PPP2R2C: variants seen among roughly 807,000 people sequenced by gnomAD.
PPP2R2C encodes the protein protein phosphatase 2 regulatory subunit Bgamma, also known as protein phosphatase 2, regulatory subunit B, gamma.
Under a neutral mutation model 45.3 loss-of-function variants are expected in PPP2R2C, and 10 were observed. The ratio of observed to expected loss-of-function variants is 0.22; its 90% CI spans 0.14 to 0.37. The LOEUF (loss-of-function observed/expected upper bound fraction) is 0.37. Ranked by LOEUF, PPP2R2C falls within the 10% of genes least tolerant of loss-of-function variation. The probability of loss-of-function intolerance (pLI) is 1.00; values close to 1 mark genes in which losing one functional copy is unlikely to be tolerated. For missense variants in PPP2R2C, 308 were observed against 619.7 expected, an observed-to-expected ratio of 0.50 and a Z score of 5.34; for synonymous variants, 257 against 245.4, an observed-to-expected ratio of 1.05 and a Z score of -0.44.
At chr4:6,434,422 G>C (rs1464138954) in intron 1 of PPP2R2C, among the ~76,000 whole-genome samples, 2 of 144,720 alleles carry the variant, frequency 1.4e-5, no homozygotes, top group African/African-American at 5.1e-5. Context: ...GCAGTGGCGT[G>C]ATCTCGGCTC....
At chr4:6,358,605 G>A (rs1713446344) in intron 5 of PPP2R2C, among the ~76,000 whole-genome samples, 1 of 150,986 alleles carries the variant, frequency 6.6e-6, no homozygotes, top group Non-Finnish European at 1.5e-5. Context: ...TCTGAGAAAG[G>A]GCTAATATCC....
chr4:6,415,815 A>G (rs529948473), intron 1 of PPP2R2C, among the ~76,000 whole-genome samples: 6 of 152,318 alleles, frequency 3.9e-5, no homozygotes, highest in African/African-American at 1.4e-4. Flanking sequence ...TCCTCCAGCC[A>G]TGACTCACAT....
intron 1 of PPP2R2C, among the ~76,000 whole-genome samples, chr4:6,420,355 AG>A (rs1404861070): frequency 4.6e-5 from 7 of 152,350 alleles, no homozygotes; most frequent in Middle Eastern, 3.4e-3. Context: ...ATGAATCAAA[AG>A]CATCCCCCCA....
intron 1 of PPP2R2C, among the ~76,000 whole-genome samples, chr4:6,391,852 G>A (rs570056255): frequency 6.6e-6 from 1 of 152,338 alleles, no homozygotes; most frequent in Non-Finnish European, 1.5e-5. Flanking sequence ...GGAAAGACCT[G>A]CGTTTGAATC....
intron 1 of PPP2R2C, among the ~76,000 whole-genome samples, chr4:6,539,996 T>G (rs1488272529): frequency 6.6e-6 from 1 of 152,214 alleles, no homozygotes; most frequent in Non-Finnish European, 1.5e-5. Context: ...CCTGCCCTAC[T>G]CTGTCGCCTG....
intron 2 of PPP2R2C, among the ~76,000 whole-genome samples, chr4:6,485,711 A>G (rs757124895): frequency 1.2e-4 from 18 of 151,806 alleles, no homozygotes; most frequent in Non-Finnish European, 2.2e-4. Flanking sequence ...AATATATACT[A>G]ATGTCACCTT....
intron 1 of PPP2R2C, among the ~76,000 whole-genome samples, chr4:6,459,102 C>A (rs770279791): frequency 6.6e-6 from 1 of 152,116 alleles, no homozygotes; most frequent in Non-Finnish European, 1.5e-5. Context: ...AAGCAGAAAC[C>A]ATTTATTTGG....
chr4:6,401,425 C>A (rs1292609105), intron 1 of PPP2R2C, among the ~76,000 whole-genome samples: 1 of 152,124 alleles, frequency 6.6e-6, no homozygotes, highest in Non-Finnish European at 1.5e-5. Flanking sequence ...TTGTTATGCA[C>A]ATGGGCTACG....
intron 5 of PPP2R2C, chr4:6,349,229 C>T (rs1712304702): frequency 4.1e-6 from 4 of 985,326 alleles, no homozygotes; most frequent in African/African-American, 1.7e-5. Context: ...TTTGCACGGT[C>T]TGTTCCCTCT....
chr4:6,371,984 A>T lies in PPP2R2C; in HGVS notation c.625+539T>A, dbSNP rs199998202. On this transcript the variant is annotated intron_variant, in intron 5 of 8. Coordinates refer to ENST00000382599, the MANE Select transcript of PPP2R2C (RefSeq NM_020416.4). ...TCCCAGCAGTCGGCGGGAATCGTCA[A>T]TGCTGCTGCTTCCCCTAGCTTGCCC... 2.2e-4 allele frequency among the ~76,000 whole-genome samples: 34 copies of T among 152,236 alleles called. No individual in the cohort carries two copies. The East Asian group carries it at 6.6e-3, about 29-fold the overall frequency.
At chr4:6,513,937 C>G (rs1577232927) in intron 2 of PPP2R2C, among the ~76,000 whole-genome samples, 1 of 152,212 alleles carries the variant, frequency 6.6e-6, no homozygotes, top group East Asian at 1.9e-4. Context: ...TTGCAAATCT[C>G]TGGTGGAAAT....
At chr4:6,527,296 G>A (rs1358814160) in intron 2 of PPP2R2C, among the ~76,000 whole-genome samples, 3 of 152,198 alleles carry the variant, frequency 2.0e-5, no homozygotes, top group African/African-American at 7.2e-5. Context: ...GAATGCACCG[G>A]ACAAGCTGCC....
intron 5 of PPP2R2C, among the ~76,000 whole-genome samples, chr4:6,362,489 A>G (rs1167758713): frequency 6.6e-6 from 1 of 152,226 alleles, no homozygotes; most frequent in Non-Finnish European, 1.5e-5. Context: ...AGCCATGCTC[A>G]TAGCAAAACA....
At chr4:6,333,436 C>T in intron 7 of PPP2R2C, 126 bp downstream of exon 7, 1 of 1,111,178 alleles carries the variant, frequency 9.0e-7, no homozygotes, top group Non-Finnish European at 1.3e-6. Context: ...ATTTCTTCAG[C>T]CTCCGTGTCT....
intron 1 of PPP2R2C, among the ~76,000 whole-genome samples, chr4:6,453,607 G>A (rs887282506): frequency 4.0e-5 from 6 of 151,832 alleles, no homozygotes; most frequent in African/African-American, 1.2e-4. Context: ...GGTGTGCACC[G>A]GGTCTGGGCC....
upstream of PPP2R2C, among the ~76,000 whole-genome samples, chr4:6,473,775 C>G (rs574143664): frequency 6.6e-6 from 1 of 152,150 alleles, no homozygotes; most frequent in Non-Finnish European, 1.5e-5. Flanking sequence ...GTGGGAAAGA[C>G]GAGGGAAGGT....
chr4:6,498,614 G>A (rs910456254), intron 2 of PPP2R2C, among the ~76,000 whole-genome samples: 1 of 152,162 alleles, frequency 6.6e-6, no homozygotes, highest in African/African-American at 2.4e-5. Context: ...AGGGGACCAT[G>A]GGAGGTGACA....
At chr4:6,450,772 G>C (rs1012837055) in intron 1 of PPP2R2C, among the ~76,000 whole-genome samples, 4 of 152,156 alleles carry the variant, frequency 2.6e-5, no homozygotes, top group Non-Finnish European at 5.9e-5. Flanking sequence ...CTGCCAACTG[G>C]AGACAACAAT....
At chr4:6,558,376 AC>A (rs369672628) in intron 1 of PPP2R2C, among the ~76,000 whole-genome samples, 4 of 152,300 alleles carry the variant, frequency 2.6e-5, no homozygotes, top group Middle Eastern at 3.4e-3. Flanking sequence ...TGGGAAGGCC[AC>A]CCATGCAAGG....
Sources: allele counts gnomAD v4.1 joint callset (sites outside exome capture counted in the v4.1 genomes callset), GRCh38; gene constraint gnomAD v4.1.1; transcripts MANE v1.5; gene names NCBI Gene and HGNC (gene_info 2026-07-23, HGNC 2026-07-21).